Variants in VPS13C observed in about 807,000 individuals in gnomAD.
The protein encoded by VPS13C is vacuolar protein sorting 13 homolog C.
In VPS13C, 358 loss-of-function variants were observed where a neutral mutation model predicts 456.8. The observed-to-expected ratio is 0.78, with a 90% CI of 0.72 to 0.86. VPS13C has a LOEUF of 0.86. Ranked by LOEUF, VPS13C falls within the 40% of genes least tolerant of loss-of-function variation. The pLI is 0.00. For synonymous variants in VPS13C, 1,578 were observed against 1,486.7 expected, an observed-to-expected ratio of 1.06 and a Z score of -1.41; for missense variants, 4,818 against 4,385.4, an observed-to-expected ratio of 1.10 and a Z score of -2.79.
At chr15:61,996,781 A>G (rs1435586845) in intron 16 of VPS13C, among the ~76,000 whole-genome samples, 1 of 151,736 alleles carries the variant, frequency 6.6e-6, no homozygotes, top group Non-Finnish European at 1.5e-5. Flanking sequence ...GAACTTGAAG[A>G]TAGATCAACA....
intron 15 of VPS13C, among the ~76,000 whole-genome samples, chr15:62,005,656 C>T (rs1021031411): frequency 4.7e-5 from 7 of 148,932 alleles, no homozygotes; most frequent in South Asian, 2.2e-4. Context: ...CGGCTGGTAC[C>T]GGTTGTTCCT....
chr15:61,963,908 T>G lies in VPS13C; in HGVS notation c.3258A>C (p.Leu1086=). 1.2e-6 allele frequency: 2 copies of G among 1,612,184 alleles called. No homozygotes were observed. ...CACAGAAAGCATTCAACTTGGCAAA[T>G]AGCCTGAAATCAATAATGTCACTAT... ...SRDSDIIDFR[L]FAKLNAFCVI... The change falls in exon 32 of 85, where the codon CTA becomes CTC. Residue 1086 remains leucine, a synonymous_variant. Transcript: ENST00000644861.
intron 66 of VPS13C, among the ~76,000 whole-genome samples, chr15:61,899,588 A>G (rs1419296263): frequency 1.3e-5 from 2 of 149,620 alleles, no homozygotes; most frequent in African/African-American, 2.4e-5. Flanking sequence ...TGAATAGACC[A>G]ATAACAGGAT....
intron 75 of VPS13C, 36 bp downstream of exon 75, chr15:61,876,937 G>T (rs1895466877): frequency 6.8e-7 from 1 of 1,476,078 alleles, no homozygotes; most frequent in Non-Finnish European, 9.4e-7. Flanking sequence ...ATTTTATGAA[G>T]TATATTCCTT....
chr15:62,022,638 G>A (rs1006565227), intron 8 of VPS13C, among the ~76,000 whole-genome samples: 2 of 151,688 alleles, frequency 1.3e-5, no homozygotes, highest in South Asian at 4.1e-4. Flanking sequence ...AAGTTACATA[G>A]GGAACTTACC....
chr15:61,961,494 T>C, intron 35 of VPS13C, 95 bp downstream of exon 35: 1 of 1,243,356 alleles, frequency 8.0e-7, no homozygotes, highest in East Asian at 2.6e-5. Context: ...AACAGTTTAT[T>C]TGAATAAACT....
intron 5 of VPS13C, among the ~76,000 whole-genome samples, chr15:62,030,885 A>G (rs7163707): frequency 1 from 151,986 of 152,230 alleles, 75,872 homozygotes; most frequent in Middle Eastern, 1. Flanking sequence ...AGGGACTGCC[A>G]TTTTTTATCA....
At chr15:61,892,409 C>A (rs955925951) in intron 66 of VPS13C, among the ~76,000 whole-genome samples, 5 of 152,104 alleles carry the variant, frequency 3.3e-5, no homozygotes, top group African/African-American at 7.2e-5. Flanking sequence ...TTTCAGAGAA[C>A]TGAGGCAAAC....
At chr15:61,991,537 T>C in intron 17 of VPS13C, 136 bp downstream of exon 17, 2 of 884,194 alleles carry the variant, frequency 2.3e-6, no homozygotes, top group Non-Finnish European at 3.1e-6. Context: ...GCCTGATGTA[T>C]TTGCTTATAT....
intron 66 of VPS13C, among the ~76,000 whole-genome samples, chr15:61,903,151 C>T (rs890345225): frequency 6.6e-6 from 1 of 151,878 alleles, no homozygotes; most frequent in Admixed American, 6.6e-5. Flanking sequence ...CATGGCGAAA[C>T]TCCGTCTCTA....
intron 81 of VPS13C, chr15:61,866,541 C>T (rs1351811160): frequency 7.1e-6 from 7 of 984,950 alleles, no homozygotes; most frequent in Non-Finnish European, 8.4e-6. Flanking sequence ...GGAAGGGTAA[C>T]TATTGGAGAT....
intron 18 of VPS13C, 74 bp downstream of exon 18, chr15:61,990,926 T>C (rs1239637823): frequency 1.0e-6 from 1 of 978,294 alleles, no homozygotes; most frequent in Non-Finnish European, 1.6e-6. Flanking sequence ...CTTAAAAAAA[T>C]CAGTAAGTCT....
chr15:62,029,206 C>T (rs1272213417), intron 5 of VPS13C, among the ~76,000 whole-genome samples: 1 of 152,002 alleles, frequency 6.6e-6, no homozygotes, highest in East Asian at 1.9e-4. Context: ...ACAAAAATAG[C>T]ACCTATATCA....
At chr15:61,875,880 C>T in intron 75 of VPS13C, 35 bp from the exon 76 acceptor site, 1 of 1,332,840 alleles carries the variant, frequency 7.5e-7, no homozygotes, top group Non-Finnish European at 1.0e-6. Flanking sequence ...AAGTCCTTCA[C>T]AACTATTGTA....
chr15:61,872,215 A>G (rs1895087816), intron 78 of VPS13C, among the ~76,000 whole-genome samples, 181 bp from the exon 79 acceptor site: 1 of 152,216 alleles, frequency 6.6e-6, no homozygotes, highest in Non-Finnish European at 1.5e-5. Flanking sequence ...TTCAAATATC[A>G]TATCACAGCA....
At chr15:61,982,192 T>C (rs993535897) in intron 21 of VPS13C, among the ~76,000 whole-genome samples, 4 of 152,208 alleles carry the variant, frequency 2.6e-5, no homozygotes, top group Non-Finnish European at 5.9e-5. Flanking sequence ...GATGGAGGGT[T>C]GTTTTCCATC....
At chr15:62,045,834 T>C (rs1404613745) in intron 1 of VPS13C, among the ~76,000 whole-genome samples, 2 of 152,038 alleles carry the variant, frequency 1.3e-5, no homozygotes, top group Non-Finnish European at 2.9e-5. Flanking sequence ...TAACTCACAA[T>C]ACATCTGTAT....
At chr15:61,907,649 A>G (rs890817783) in intron 65 of VPS13C, among the ~76,000 whole-genome samples, 19 of 152,250 alleles carry the variant, frequency 1.2e-4, no homozygotes, top group African/African-American at 4.6e-4. Flanking sequence ...AATGGAATTC[A>G]TTAGGTAAAC....
At chr15:62,013,194 A>T in intron 10 of VPS13C, 75 bp from the exon 11 acceptor site, 1 of 1,110,850 alleles carries the variant, frequency 9.0e-7, no homozygotes, top group Non-Finnish European at 1.3e-6. Context: ...GATTATTCTC[A>T]TGTTCACCAC....
Sources: allele counts gnomAD v4.1 joint callset (sites outside exome capture counted in the v4.1 genomes callset), GRCh38; gene constraint gnomAD v4.1.1; transcripts MANE v1.5; gene names NCBI Gene and HGNC (gene_info 2026-07-23, HGNC 2026-07-21).